The following EPYC variants were observed in gnomAD, a reference collection of about 807,000 sequenced individuals.
EPYC encodes the protein epiphycan, also known as dermatan sulfate proteoglycan 3.
In EPYC, 28 loss-of-function variants were observed where a neutral mutation model predicts 30.1. That is an observed-to-expected ratio of 0.93 (90% CI 0.69 to 1.28). The LOEUF (loss-of-function observed/expected upper bound fraction) is 1.28. Ranked by LOEUF, EPYC falls within the 50% of genes most tolerant of loss-of-function variation. EPYC has a pLI of 0.00. For missense variants in EPYC, 382 were observed against 383.5 expected (o/e 1.00, Z 0.03); for synonymous variants, 144 against 141.4 (o/e 1.02, Z -0.13).
rs115968659 is a variant in EPYC, at chr12:90,972,892, C to T, written c.429G>A (p.Lys143=). 49 of 1,613,554 alleles carry T rather than the reference C, an allele frequency of 3.0e-5. No homozygotes were observed. In the East Asian group the frequency reaches 1.1e-3, roughly 36 times the overall value. The change falls in exon 4 of 7, where the codon AAG becomes AAA. Residue 143 remains lysine, a synonymous_variant. Transcript: ENST00000261172. The part of the protein sequence containing the change: ...HELDAIPPLP[K]NTAYFYSRFN... ...AGCGGGAATAGAAATAAGCGGTGTTCTTTGGCAGCGGAGGAATAGCATCAA... is the reference window on the plus strand; with the variant it reads ...AGCGGGAATAGAAATAAGCGGTGTTTTTTGGCAGCGGAGGAATAGCATCAA...
chr12:90,968,949 C>T (rs1429562001), intron 6 of EPYC, among the ~76,000 whole-genome samples: 2 of 150,938 alleles, frequency 1.3e-5, no homozygotes, highest in African/African-American at 4.9e-5. Flanking sequence ...GGCAAGTAAA[C>T]AAATCAGACA....
intron 2 of EPYC, among the ~76,000 whole-genome samples, 169 bp from the exon 3 acceptor site, chr12:90,978,431 G>A (rs192815501): frequency 6.6e-6 from 1 of 151,396 alleles, no homozygotes; most frequent in African/African-American, 2.4e-5. Flanking sequence ...CATGGTTCTA[G>A]TAACTGTTGT....
intron 2 of EPYC, among the ~76,000 whole-genome samples, chr12:90,987,964 G>A (rs1455574939): frequency 6.6e-6 from 1 of 152,046 alleles, no homozygotes; most frequent in Non-Finnish European, 1.5e-5. Context: ...GTCAGGGAAG[G>A]ATAATTTTTT....
At chr12:90,999,363 A>G (rs1338044927) in intron 2 of EPYC, among the ~76,000 whole-genome samples, 1 of 152,100 alleles carries the variant, frequency 6.6e-6, no homozygotes, top group Non-Finnish European at 1.5e-5. Context: ...CTTATAAGAA[A>G]CTGGTACATA....
intron 2 of EPYC, among the ~76,000 whole-genome samples, chr12:90,997,780 G>A (rs1877728205): frequency 6.6e-6 from 1 of 151,968 alleles, no homozygotes; most frequent in Non-Finnish European, 1.5e-5. Context: ...ATAATAATTA[G>A]ATAACAGAGT....
At chr12:90,997,387 A>G (rs962662031) in intron 2 of EPYC, among the ~76,000 whole-genome samples, 1 of 152,060 alleles carries the variant, frequency 6.6e-6, no homozygotes, top group African/African-American at 2.4e-5. Context: ...CCTTCTATAG[A>G]GCCTCTATAC....
chr12:91,002,047 T>C (rs1370651003), intron 2 of EPYC, among the ~76,000 whole-genome samples: 2 of 151,268 alleles, frequency 1.3e-5, no homozygotes, highest in Non-Finnish European at 3.0e-5. Flanking sequence ...ATTAGCTGCG[T>C]GTGTCCTAGC....
At chr12:90,978,003 T>G in intron 3 of EPYC, 85 bp downstream of exon 3, 2 of 1,268,400 alleles carry the variant, frequency 1.6e-6, no homozygotes, top group Non-Finnish European at 2.1e-6. Flanking sequence ...GGTCATGTCA[T>G]GTGGTTTCCC....
intron 6 of EPYC, among the ~76,000 whole-genome samples, chr12:90,967,194 A>G (rs1000252360): frequency 6.6e-6 from 1 of 152,028 alleles, no homozygotes; most frequent in Admixed American, 6.6e-5. Flanking sequence ...GTAGAAGGCT[A>G]GGTTATAGAT....
At chr12:90,974,038 T>TCACA (rs560408641) in intron 3 of EPYC, among the ~76,000 whole-genome samples, 14,597 of 140,318 alleles carry the variant, frequency 0.1, 806 homozygotes, top group Non-Finnish European at 0.13. Flanking sequence ...TTACACACAC[T>TCACA]CACACACACA....
intron 2 of EPYC, among the ~76,000 whole-genome samples, chr12:90,992,242 G>T (rs561287863): frequency 5.3e-5 from 8 of 152,274 alleles, no homozygotes; most frequent in African/African-American, 1.9e-4. Context: ...ACAGGAGGTG[G>T]AGCTCAGGCA....
chr12:90,973,029 C>G (rs1276195541), intron 3 of EPYC, 49 bp from the exon 4 acceptor site: 2 of 1,321,490 alleles, frequency 1.5e-6, no homozygotes, highest in East Asian at 4.8e-5. Context: ...AAATCAATTT[C>G]TAAGAAATAA....
chr12:90,969,911 A>G (rs75277364), intron 6 of EPYC, 133 bp downstream of exon 6: 17,574 of 681,828 alleles, frequency 0.026, 308 homozygotes, highest in Non-Finnish European at 0.03. Flanking sequence ...AGAATAAATG[A>G]GAAAAGAGAA....
At chr12:90,967,607 T>C (rs1309600609) in intron 6 of EPYC, among the ~76,000 whole-genome samples, 1 of 152,216 alleles carries the variant, frequency 6.6e-6, no homozygotes, top group Non-Finnish European at 1.5e-5. Context: ...ATGACTGTTA[T>C]GCCAAATTGG....
chr12:90,994,901 T>G (rs1877663810), intron 2 of EPYC, among the ~76,000 whole-genome samples: 1 of 152,106 alleles, frequency 6.6e-6, no homozygotes, highest in African/African-American at 2.4e-5. Flanking sequence ...TCTCTCAATT[T>G]GTTCTACACA....
At chr12:90,994,232 G>A (rs534726197) in intron 2 of EPYC, among the ~76,000 whole-genome samples, 3 of 152,198 alleles carry the variant, frequency 2.0e-5, no homozygotes, top group Non-Finnish European at 4.4e-5. Context: ...AGCCCAAATC[G>A]AATCCCTTCC....
At chr12:90,994,221 T>C (rs962701400) in intron 2 of EPYC, among the ~76,000 whole-genome samples, 33 of 152,122 alleles carry the variant, frequency 2.2e-4, no homozygotes, top group African/African-American at 7.5e-4. Context: ...GCCTTCATCA[T>C]AGCCCAAATC....
chr12:90,985,400 T>A (rs536440309), intron 2 of EPYC, among the ~76,000 whole-genome samples: 1 of 152,164 alleles, frequency 6.6e-6, no homozygotes, highest in Non-Finnish European at 1.5e-5. Context: ...GCCACAGATA[T>A]GAGGAGAAAG....
chr12:90,964,857 A>C (rs1177520819), intron 6 of EPYC, among the ~76,000 whole-genome samples: 1 of 152,164 alleles, frequency 6.6e-6, no homozygotes, highest in Non-Finnish European at 1.5e-5. Context: ...AGCAGGGCCC[A>C]GGACTGGATT....
Sources: allele counts gnomAD v4.1 joint callset (sites outside exome capture counted in the v4.1 genomes callset), GRCh38; gene constraint gnomAD v4.1.1; transcripts MANE v1.5; gene names NCBI Gene and HGNC (gene_info 2026-07-23, HGNC 2026-07-21).